Variants in MRNIP observed in about 807,000 individuals in gnomAD.
MRNIP encodes MRN complex-interacting protein.
In MRNIP, 30 loss-of-function variants were observed where a neutral mutation model predicts 29.8. That is an observed-to-expected ratio of 1.01 (90% CI 0.75 to 1.36). The LOEUF (loss-of-function observed/expected upper bound fraction) is 1.36. MRNIP is among the 40% of genes most tolerant of loss of function. MRNIP has a pLI of 0.00. For synonymous variants in MRNIP, 201 were observed against 164.1 expected, an observed-to-expected ratio of 1.23 and a Z score of -1.72; for missense variants, 459 against 423.5, an observed-to-expected ratio of 1.08 and a Z score of -0.74.
rs1328674060 is a variant in MRNIP, at chr5:179,840,974, C to T, written c.450-15G>A. The T allele has an allele frequency of 8.3e-6, 13 of 1,566,736 alleles. No homozygotes were observed. The South Asian group carries it at 1.4e-4, about 17-fold the overall frequency. ...TGCTCCACTTCCTGTCAGGACAGGA[C>T]CGTCAGTAGTCCCGTGCTACTCTCC... On this transcript the variant is annotated splice_polypyrimidine_tract_variant and intron_variant, in intron 5 of 6. Coordinates refer to ENST00000292586, the MANE Select transcript of MRNIP (RefSeq NM_016175.4).
chr5:179,837,955 T>A, intron 6 of MRNIP, 70 bp from the exon 7 acceptor site: 4 of 1,447,576 alleles, frequency 2.8e-6, no homozygotes, highest in Non-Finnish European at 3.7e-6. Context: ...CCGCCTGCCC[T>A]GCCTGGGCCT....
chr5:179,849,875 G>A (rs530269234), intron 2 of MRNIP, among the ~76,000 whole-genome samples: 2 of 62,366 alleles, frequency 3.2e-5, no homozygotes, highest in Admixed American at 2.5e-4. Flanking sequence ...TACGGGTCCC[G>A]CTATGGCACA....
At chr5:179,840,812 G>T in intron 6 of MRNIP, 60 bp downstream of exon 6, 1 of 1,193,280 alleles carries the variant, frequency 8.4e-7, no homozygotes, top group East Asian at 2.5e-5. Flanking sequence ...ACAAAAGACA[G>T]AATTATCACA....
At chr5:179,844,474 A>C in intron 3 of MRNIP, 1 of 443,322 alleles carries the variant, frequency 2.3e-6, no homozygotes. Flanking sequence ...GGAAGATGGA[A>C]TCACATGACA....
chr5:179,849,248 A>G (rs1434184817), intron 2 of MRNIP, among the ~76,000 whole-genome samples: 64 of 102,434 alleles, frequency 6.2e-4, no homozygotes, highest in East Asian at 2.0e-3. Context: ...CAGATGGTAC[A>G]AGATGGAATT....
chr5:179,855,056 CA>C (rs1331270705), intron 1 of MRNIP, among the ~76,000 whole-genome samples: 1 of 152,196 alleles, frequency 6.6e-6, no homozygotes, highest in Non-Finnish European at 1.5e-5. Context: ...TATTTATAGA[CA>C]TAATTATAAT....
chr5:179,855,904 G>GTTT (rs1191193921), intron 1 of MRNIP, among the ~76,000 whole-genome samples: 2 of 131,424 alleles, frequency 1.5e-5, no homozygotes, highest in Middle Eastern at 3.8e-3. Context: ...AGTAAGAAAA[G>GTTT]TTGTTTTTTT....
rs201915398 is a variant in MRNIP, at chr5:179,851,910, GGAGCTTGCAGTGAGC to G, written c.126+1453_126+1467del. The stretch of plus-strand genomic sequence containing the variant: ...GGAGAATGGCGTAAACCCAGGGGGC[GGAGCTTGCAGTGAGC>G]GAGATCGCACCACTGCACTCCAGCC... On this transcript the variant is annotated intron_variant, in intron 2 of 6. Transcript: ENST00000292586. 7.1e-3 allele frequency among the ~76,000 whole-genome samples: 1,084 copies of G among 152,016 alleles called. 14 individuals carry two copies. Among genetic ancestry groups the G allele is most frequent in the African/African-American group, 0.026 (1,058 of 41,442 alleles).
chr5:179,839,304 A>C (rs995736055), intron 6 of MRNIP: 3 of 151,770 alleles, frequency 2.0e-5, no homozygotes, highest in African/African-American at 7.3e-5. Flanking sequence ...AGGGAAAAGC[A>C]ATGTGAAAGC....
intron 1 of MRNIP, among the ~76,000 whole-genome samples, chr5:179,857,277 A>C (rs1181999273): frequency 2.0e-5 from 3 of 152,074 alleles, no homozygotes; most frequent in African/African-American, 7.2e-5. Context: ...CCTGGTCAAC[A>C]TGGTGAAACC....
chr5:179,847,659 A>G (rs1182274348), intron 3 of MRNIP: 2 of 222,972 alleles, frequency 9.0e-6, no homozygotes, highest in Non-Finnish European at 1.8e-5. Context: ...AGCCACAAAC[A>G]AGAACAGCTG....
chr5:179,852,000 T>A (rs926330656), intron 2 of MRNIP, among the ~76,000 whole-genome samples: 9 of 145,414 alleles, frequency 6.2e-5, no homozygotes, highest in African/African-American at 2.3e-4. Context: ...AAATAAAAAA[T>A]ATCAGGTGAA....
At chr5:179,840,490 G>C (rs991914197) in intron 6 of MRNIP, 1 of 383,372 alleles carries the variant, frequency 2.6e-6, no homozygotes, top group Non-Finnish European at 4.7e-6. Flanking sequence ...AAATGCGAGT[G>C]TGGAGGGAAG....
intron 1 of MRNIP, among the ~76,000 whole-genome samples, chr5:179,854,946 C>T (rs1182622798): frequency 2.0e-5 from 3 of 152,000 alleles, no homozygotes; most frequent in Non-Finnish European, 4.4e-5. Flanking sequence ...CAGGGTTGCC[C>T]GCTATTATTT....
intron 5 of MRNIP, 75 bp from the exon 6 acceptor site, chr5:179,841,034 GC>G: frequency 9.1e-7 from 1 of 1,100,052 alleles, no homozygotes; most frequent in Non-Finnish European, 1.3e-6. Flanking sequence ...CGATCACATG[GC>G]CCACAGGCTC....
At chr5:179,842,433 C>T (rs1342603301) in intron 4 of MRNIP, among the ~76,000 whole-genome samples, 5 of 151,470 alleles carry the variant, frequency 3.3e-5, no homozygotes, top group Non-Finnish European at 7.4e-5. Context: ...GTAATCCCAG[C>T]ACCTTGGGAG....
chr5:179,845,501 T>A lies in MRNIP; in HGVS notation c.216-1274A>T, dbSNP rs540616171. Among the ~76,000 whole-genome samples, 356 of 151,396 alleles carry A rather than the reference T, an allele frequency of 2.4e-3. 5 individuals are homozygous for A. Among genetic ancestry groups the A allele is most frequent in the African/African-American group, 8.3e-3 (343 of 41,286 alleles). ...ATACTTTTAAGTTCTACAAACTCTT[T>A]TATTTTTTAAAGACAGAGTCTCACT... On this transcript the variant is annotated intron_variant, in intron 3 of 6. Transcript: ENST00000292586.
intron 1 of MRNIP, among the ~76,000 whole-genome samples, chr5:179,857,171 G>A (rs1032803921): frequency 1.3e-5 from 2 of 151,436 alleles, no homozygotes; most frequent in African/African-American, 4.9e-5. Flanking sequence ...AATAGAGGCC[G>A]GGCGCAGTGG....
Position 179,837,529 on chromosome 5 carries a change from C to G in MRNIP, c.894G>C (p.Arg298Ser), listed in dbSNP as rs1561611802. Residue 298 changes from arginine to serine, a missense_variant, in exon 7 of 7, where the codon AGG becomes AGC. Coordinates refer to ENST00000292586, the MANE Select transcript of MRNIP (RefSeq NM_016175.4). ...CGTCCCATGAGGTCTTCCCGCAAGG[C>G]CTCTCAGACCCAGATGTGACGGGGT... ...ATHPVTSGSERPCGKTSWDAR... is the reference protein window; with the variant it reads ...ATHPVTSGSESPCGKTSWDAR... 3 of 1,614,112 alleles carry G rather than the reference C, an allele frequency of 1.9e-6. No individual in the cohort carries two copies. The South Asian group carries it at 3.3e-5, about 18-fold the overall frequency.
Sources: gnomAD v4.1 joint callset for allele counts (sites outside exome capture counted in the v4.1 genomes callset) on GRCh38, gnomAD v4.1.1 for gene constraint, MANE v1.5 for transcripts, NCBI Gene and HGNC (gene_info 2026-07-23, HGNC 2026-07-21) for gene names.